C5orf34: variants seen among roughly 807,000 people sequenced by gnomAD.
C5orf34 encodes the protein uncharacterized protein C5orf34.
In C5orf34, 73 loss-of-function variants were observed where a neutral mutation model predicts 78.4. That is an observed-to-expected ratio of 0.93 (90% CI 0.77 to 1.13). The LOEUF (loss-of-function observed/expected upper bound fraction) is 1.13. C5orf34 is among the 50% of genes most tolerant of loss of function. C5orf34 has a pLI of 0.00. For missense variants in C5orf34, 730 were observed against 732.7 expected (o/e 1.00, Z 0.04); for synonymous variants, 251 against 246.6 (o/e 1.02, Z -0.17).
In C5orf34 at chr5:43,503,936, T is replaced by C. The variant is rs1029079958; in HGVS notation, c.933-176A>G. ...AATGTAAAAAGCAAGTCTTTTTCCA[T>C]GTTTTTTTCACTATTTTCAATAATC... On this transcript the variant is annotated intron_variant, in intron 4 of 12. Transcript: ENST00000306862. Among the ~76,000 whole-genome samples the C allele has an allele frequency of 3.3e-5, 5 of 152,344 alleles. No individual in the cohort carries two copies. In the East Asian group the frequency reaches 7.7e-4, roughly 24 times the overall value.
chr5:43,509,575 T>C (rs1009529117), intron 1 of C5orf34, among the ~76,000 whole-genome samples, 200 bp from the exon 2 acceptor site: 1 of 152,220 alleles, frequency 6.6e-6, no homozygotes, highest in African/African-American at 2.4e-5. Context: ...TTTACTCCAA[T>C]GGAGGAACAT....
chr5:43,500,694 C>T (rs1745721052), intron 6 of C5orf34, among the ~76,000 whole-genome samples: 1 of 152,174 alleles, frequency 6.6e-6, no homozygotes, highest in Non-Finnish European at 1.5e-5. Flanking sequence ...CTGTGCCCAG[C>T]CTAAATATTT....
At chr5:43,496,003 A>G in intron 6 of C5orf34, 2 of 1,591,326 alleles carry the variant, frequency 1.3e-6, no homozygotes, top group Non-Finnish European at 1.7e-6. Flanking sequence ...CCATTTTGTT[A>G]ACACCAACAA....
intron 6 of C5orf34, among the ~76,000 whole-genome samples, chr5:43,498,398 T>C (rs1280621370): frequency 6.6e-6 from 1 of 152,184 alleles, no homozygotes; most frequent in Non-Finnish European, 1.5e-5. Context: ...TCTTATAATC[T>C]ATTAGGCAGG....
At position 43,487,898 on chromosome 5, in the gene C5orf34, T is replaced by G; in HGVS notation, c.1720+11A>C. 1 of 1,596,818 alleles carries G rather than the reference T, an allele frequency of 6.3e-7. No individual in the cohort carries two copies. Among genetic ancestry groups the G allele is most frequent in the Non-Finnish European group, 8.6e-7 (1 of 1,167,036 alleles). On this transcript the variant is annotated intron_variant, in intron 12 of 12. Transcript: ENST00000306862. Reference sequence around the variant, plus strand: ...AATTATGTAGGACAGTGCATTCTGTTTAAAGGATACAGTTAAACTTCTGTA... The same window carrying G: ...AATTATGTAGGACAGTGCATTCTGTGTAAAGGATACAGTTAAACTTCTGTA...
At chr5:43,503,605 T>C in intron 5 of C5orf34, 60 bp downstream of exon 5, 1 of 1,099,732 alleles carries the variant, frequency 9.1e-7, no homozygotes, top group Admixed American at 1.7e-5. Context: ...CGTCCCATCT[T>C]CTCTGTGACA....
intron 2 of C5orf34, among the ~76,000 whole-genome samples, 157 bp from the exon 3 acceptor site, chr5:43,508,823 G>C (rs775617930): frequency 1.3e-5 from 2 of 152,216 alleles, no homozygotes; most frequent in Admixed American, 1.3e-4. Flanking sequence ...GCCAGGCACG[G>C]TGGTTCACTC....
chr5:43,502,302 T>C, intron 6 of C5orf34, 70 bp downstream of exon 6: 2 of 1,507,514 alleles, frequency 1.3e-6, no homozygotes, highest in Non-Finnish European at 9.1e-7. Context: ...ATTTCCCATA[T>C]ATATTTGGAA....
At chr5:43,504,657 T>G (rs1286467513) in intron 4 of C5orf34, among the ~76,000 whole-genome samples, 1 of 152,112 alleles carries the variant, frequency 6.6e-6, no homozygotes, top group Admixed American at 6.5e-5. Flanking sequence ...AAGTCCAGCT[T>G]AGCAAGAATA....
rs1007859293 is a variant in C5orf34, at chr5:43,515,006, A to C, written c.-237T>G. 6.6e-6 allele frequency: 1 copy of C among 152,248 alleles called. No individual in the cohort carries two copies. Among genetic ancestry groups the C allele is most frequent in the Non-Finnish European group, 1.5e-5 (1 of 68,056 alleles). 9.4% of individuals were successfully genotyped at this position (152,248 alleles called of 1,614,324 possible). A position where few individuals can be genotyped will look rare whatever the true frequency, so the allele number is the denominator to read the frequency against. On this transcript the variant is annotated 5_prime_UTR_variant, in exon 1 of 13. Transcript: ENST00000306862. ...CACAACCCTAGAGGAATAAGGTGGC[A>C]GGGAGAGTGTTTTGGCCAAGATGCC...
At chr5:43,512,904 T>C (rs1746335040) in intron 1 of C5orf34, among the ~76,000 whole-genome samples, 1 of 151,066 alleles carries the variant, frequency 6.6e-6, no homozygotes, top group Non-Finnish European at 1.5e-5. Flanking sequence ...TGCCTCAGCC[T>C]CCTGAGTAGC....
At chr5:43,508,435 G>A in intron 3 of C5orf34, 142 bp downstream of exon 3, 1 of 563,456 alleles carries the variant, frequency 1.8e-6, no homozygotes, top group Non-Finnish European at 3.2e-6. Context: ...ATGGCAAGGG[G>A]GATACACTAT....
intron 11 of C5orf34, chr5:43,488,518 G>C (rs1207191174): frequency 6.6e-6 from 1 of 152,120 alleles, no homozygotes; most frequent in Non-Finnish European, 1.5e-5. Context: ...TTTGGGAATG[G>C]ATGGTATGGG....
rs572902023 is a variant in C5orf34, at chr5:43,501,212, G to GACTATGCAT, written c.1152+1151_1152+1159dup. 4.7e-3 allele frequency among the ~76,000 whole-genome samples: 712 copies of GACTATGCAT among 152,274 alleles called. 5 individuals carry two copies. The highest frequency in any genetic ancestry group is 0.015 in the African/African-American group (640 of 41,550). ...TCTGATATACAGCAGTCAGCAATAT[G>GACTATGCAT]ACTATGCATACCTACTCTATTTGCT... On this transcript the variant is annotated intron_variant, in intron 6 of 12. Coordinates refer to ENST00000306862, the MANE Select transcript of C5orf34 (RefSeq NM_198566.4).
At position 43,502,140 on chromosome 5, in the gene C5orf34, T is replaced by C. The variant is rs142393102; in HGVS notation, c.1152+232A>G. Among the ~76,000 whole-genome samples the C allele has an allele frequency of 1.2e-4, 19 of 152,328 alleles. No homozygotes were observed. The East Asian group carries it at 3.7e-3, about 29-fold the overall frequency. ...AAAGTCTATGACAAAAGAAAGTTTC[T>C]GATTTAAACATGAACTGCTTAGGCA... On this transcript the variant is annotated intron_variant, in intron 6 of 12. Transcript: ENST00000306862.
At chr5:43,514,520 T>C (rs924471881) in intron 1 of C5orf34, among the ~76,000 whole-genome samples, 7 of 152,146 alleles carry the variant, frequency 4.6e-5, no homozygotes, top group Admixed American at 4.6e-4. Flanking sequence ...GGTTTTCTAA[T>C]TTTAAATAAT....
intron 3 of C5orf34, among the ~76,000 whole-genome samples, chr5:43,506,744 G>T (rs1056020692): frequency 2.0e-5 from 3 of 151,204 alleles, no homozygotes; most frequent in South Asian, 2.1e-4. Context: ...AAAAAAACTA[G>T]AAATAAGGGA....
chr5:43,513,607 C>T (rs1327122619), intron 1 of C5orf34, among the ~76,000 whole-genome samples: 1 of 152,262 alleles, frequency 6.6e-6, no homozygotes, highest in African/African-American at 2.4e-5. Context: ...CATTTCTCAA[C>T]TCTCTCCTAC....
In C5orf34 at chr5:43,509,318, T is replaced by A; in HGVS notation, c.22A>T (p.Ile8Leu). 1 of 1,610,940 alleles carries A rather than the reference T, an allele frequency of 6.2e-7. No homozygotes were observed. Among genetic ancestry groups the A allele is most frequent in the Non-Finnish European group, 8.5e-7 (1 of 1,178,656 alleles). Reference protein sequence around the residue: MAAELRMILYEDDSVQVQ... With the variant: MAAELRMLLYEDDSVQVQ... ...TGTACTGAATCATCTTCATAAAGTA[T>A]CATTCGCAGTTCAGCTGCCATTACA... Residue 8 changes from isoleucine (I) to leucine (L), a missense_variant, in exon 2 of 13, where the codon ATA becomes TTA. Transcript: ENST00000306862.
Sources: gnomAD v4.1 joint callset for allele counts (sites outside exome capture counted in the v4.1 genomes callset) on GRCh38, gnomAD v4.1.1 for gene constraint, MANE v1.5 for transcripts, NCBI Gene and HGNC (gene_info 2026-07-23, HGNC 2026-07-21) for gene names.